PAGE2B: variants seen among roughly 807,000 people sequenced by gnomAD.
PAGE2B encodes the protein PAGE family member 2B.
A neutral mutation model predicts 7.6 loss-of-function variants in PAGE2B; 5 were observed. The ratio of observed to expected loss-of-function variants is 0.66; its 90% CI spans 0.34 to 1.38. PAGE2B has a LOEUF of 1.38. Among genes scored for constraint, PAGE2B ranks in the 40% most tolerant of loss-of-function variants. The pLI is 0.04. For synonymous variants in PAGE2B, 29 were observed against 26.7 expected (o/e 1.09, Z -0.27); for missense variants, 70 against 78.4 (o/e 0.89, Z 0.41).
At chrX:55,042,515 G>A in the PAGE2B span, among the ~76,000 whole-genome samples, 17 of 105,841 alleles carry the variant, frequency 1.6e-4, no homozygotes, top group South Asian at 5.1e-3. Context: ...TTAGCCGGGC[G>A]TAGTGGCGGG....
At chrX:55,060,310 A>G in the PAGE2B span, among the ~76,000 whole-genome samples, 1 of 111,095 alleles carries the variant, frequency 9.0e-6, no homozygotes, top group Non-Finnish European at 1.9e-5. Context: ...ATGATGGTAG[A>G]TATTCTAATG....
chrX:55,043,645 C>T, the PAGE2B span, among the ~76,000 whole-genome samples: 18 of 111,623 alleles, frequency 1.6e-4, no homozygotes, highest in Admixed American at 2.9e-4. Context: ...CCACCTTACT[C>T]CTGCAGAATG....
chrX:55,072,641 C>T (rs1011215077), upstream of PAGE2B, among the ~76,000 whole-genome samples: 5 of 112,614 alleles, frequency 4.4e-5, no homozygotes, highest in Non-Finnish European at 9.4e-5. Context: ...CGGGCAGGAA[C>T]ATTTAAGTCC....
At chrX:55,037,071 A>T in the PAGE2B span, among the ~76,000 whole-genome samples, 1 of 111,807 alleles carries the variant, frequency 8.9e-6, no homozygotes, top group Non-Finnish European at 1.9e-5. Context: ...TAAACTAAAG[A>T]GCTTCTGCAC....
chrX:55,040,766 A>G, the PAGE2B span, among the ~76,000 whole-genome samples: 1 of 111,615 alleles, frequency 9.0e-6, no homozygotes, highest in African/African-American at 3.3e-5. Context: ...ATTGTTCTTA[A>G]CCACTCAACT....
At chrX:55,031,050 G>T in the PAGE2B span, 1 of 323,535 alleles carries the variant, frequency 3.1e-6, no homozygotes, top group South Asian at 2.9e-5. Flanking sequence ...CCTTCTGCCG[G>T]CCTGGCCCTG....
At chrX:55,044,140 A>G in the PAGE2B span, among the ~76,000 whole-genome samples, 1 of 110,356 alleles carries the variant, frequency 9.1e-6, no homozygotes, top group Non-Finnish European at 1.9e-5. Flanking sequence ...TCAAATGAAA[A>G]AAAAAAGTCA....
upstream of PAGE2B, among the ~76,000 whole-genome samples, chrX:55,074,826 A>G (rs1276328841): frequency 8.9e-6 from 1 of 112,406 alleles, no homozygotes; most frequent in African/African-American, 3.2e-5. Flanking sequence ...TGGGCGGGGG[A>G]AAAAGAAAAG....
chrX:55,073,489 C>T (rs1602274974), upstream of PAGE2B, among the ~76,000 whole-genome samples: 1 of 111,169 alleles, frequency 9.0e-6, no homozygotes, highest in African/African-American at 3.3e-5. Flanking sequence ...CAGACCAAAG[C>T]TTTTCCTATT....
At chrX:55,055,126 G>T in the PAGE2B span, 1 of 110,736 alleles carries the variant, frequency 9.0e-6, no homozygotes, top group Non-Finnish European at 1.9e-5. Flanking sequence ...AGAGGCCAAG[G>T]TGGGTGGATT....
chrX:55,032,626 T>C, the PAGE2B span, among the ~76,000 whole-genome samples: 2 of 111,636 alleles, frequency 1.8e-5, no homozygotes, highest in South Asian at 3.8e-4. Context: ...ACCTACCCTA[T>C]TGGATTATTG....
chrX:55,058,954 C>A, the PAGE2B span, among the ~76,000 whole-genome samples: 465 of 110,838 alleles, frequency 4.2e-3, 3 homozygotes, highest in African/African-American at 0.015. Context: ...AAATTAACTG[C>A]CCTCCACCCA....
rs1329610732 is a variant in PAGE2B at position 55,075,039 on chromosome X, A to C, written c.-84A>C. On this transcript the variant is annotated 5_prime_UTR_variant, in exon 1 of 5. Transcript: ENST00000374971. ...GCGCCTTGCTGCCCGCCTTCTGTCC[A>C]CACACAGCTCTGCAAGGAGAGTGTC... The C allele has an allele frequency of 2.6e-5, 3 of 115,903 alleles. No individual in the cohort carries two copies. Among genetic ancestry groups the C allele is most frequent in the African/African-American group, 9.6e-5 (3 of 31,208 alleles). The allele number at this position is 115,903 out of a possible 1,213,427, so 9.6% of individuals were successfully genotyped here. A position where few individuals can be genotyped will look rare whatever the true frequency, so the allele number is the denominator to read the frequency against.
At chrX:55,030,382 A>T in the PAGE2B span, among the ~76,000 whole-genome samples, 2 of 110,278 alleles carry the variant, frequency 1.8e-5, no homozygotes, top group Non-Finnish European at 3.8e-5. Context: ...CATTCCCATC[A>T]CCCCCACATC....
the PAGE2B span, among the ~76,000 whole-genome samples, chrX:55,058,163 G>T: frequency 1.8e-5 from 2 of 110,800 alleles, no homozygotes; most frequent in African/African-American, 6.6e-5. Flanking sequence ...CAACTCGGTT[G>T]TAATAATTGA....
At chrX:55,076,362 ATATGTATATATGTATGTATG>A (rs1341854126) in intron 2 of PAGE2B, among the ~76,000 whole-genome samples, 187 bp from the exon 3 acceptor site, 2 of 105,830 alleles carry the variant, frequency 1.9e-5, no homozygotes, top group African/African-American at 3.6e-5. Flanking sequence ...GTATATGTAT[ATATGTATATATGTATGTATG>A]TATGTATATA....
chrX:55,039,916 C>T, the PAGE2B span, among the ~76,000 whole-genome samples: 6 of 110,987 alleles, frequency 5.4e-5, no homozygotes, highest in Non-Finnish European at 7.5e-5. Context: ...TGCTTTATGA[C>T]GTAGGAATTT....
chrX:55,029,948 C>A, the PAGE2B span, among the ~76,000 whole-genome samples: 1 of 82,189 alleles, frequency 1.2e-5, no homozygotes, highest in Non-Finnish European at 2.3e-5. Flanking sequence ...CATTCCTTGT[C>A]CCCCACCCCC....
the PAGE2B span, among the ~76,000 whole-genome samples, chrX:55,049,491 T>A: frequency 0.021 from 2,313 of 111,221 alleles, 70 homozygotes; most frequent in African/African-American, 0.072. Context: ...AGAGCCTGTT[T>A]TTGGTCTATT....
Sources: allele counts gnomAD v4.1 joint callset (sites outside exome capture counted in the v4.1 genomes callset), GRCh38; gene constraint gnomAD v4.1.1; transcripts MANE v1.5; gene names NCBI Gene and HGNC (gene_info 2026-07-23, HGNC 2026-07-21).